NREP: variants seen among roughly 807,000 people sequenced by gnomAD.
The protein encoded by NREP is neuronal regeneration related protein.
Under a neutral mutation model 8.6 loss-of-function variants are expected in NREP, and 5 were observed. The observed-to-expected ratio is 0.58, with a 90% confidence interval of 0.30 to 1.22. The LOEUF (loss-of-function observed/expected upper bound fraction) is 1.22, where lower values mean the gene tolerates loss of function less well. NREP is among the 50% of genes most tolerant of loss of function. The pLI is 0.07. For missense variants in NREP, 86 were observed against 82.5 expected (o/e 1.04, Z -0.17); for synonymous variants, 27 against 28.0 (o/e 0.96, Z 0.11).
chr5:111,871,016 T>C (rs1489874788), intron 2 of NREP, among the ~76,000 whole-genome samples: 1 of 151,472 alleles, frequency 6.6e-6, no homozygotes, highest in East Asian at 1.9e-4. Context: ...CTGGCATCTG[T>C]ATTAGTAAGG....
chr5:111,734,683 CACTTATGAA>C, intron 3 of NREP: 1 of 697,522 alleles, frequency 1.4e-6, no homozygotes, highest in Non-Finnish European at 2.6e-6. Context: ...TAGTCAATTA[CACTTATGAA>C]ACTTTCAAAT....
chr5:111,847,105 T>C (rs1327698625), intron 2 of NREP, among the ~76,000 whole-genome samples: 5 of 150,108 alleles, frequency 3.3e-5, no homozygotes, highest in Non-Finnish European at 7.4e-5. Context: ...AATGAAGACA[T>C]GACACACTTT....
intron 2 of NREP, among the ~76,000 whole-genome samples, chr5:111,884,298 C>A (rs1754176241): frequency 6.6e-6 from 1 of 151,624 alleles, no homozygotes; most frequent in Non-Finnish European, 1.5e-5. Flanking sequence ...TCTGAATAGA[C>A]CAATAACAGG....
At chr5:111,895,292 G>T (rs753021916) in intron 2 of NREP, among the ~76,000 whole-genome samples, 31 of 152,262 alleles carry the variant, frequency 2.0e-4, no homozygotes, top group Non-Finnish European at 3.5e-4. Flanking sequence ...TGAGGAACGG[G>T]GAAGGGACAG....
intron 2 of NREP, among the ~76,000 whole-genome samples, chr5:111,886,870 C>G (rs1249475022): frequency 6.6e-6 from 1 of 151,636 alleles, no homozygotes; most frequent in African/African-American, 2.4e-5. Flanking sequence ...AGACCTAATG[C>G]TAAATGACGA....
At chr5:111,905,854 C>G (rs1428352853) in intron 2 of NREP, among the ~76,000 whole-genome samples, 6 of 151,902 alleles carry the variant, frequency 3.9e-5, no homozygotes, top group African/African-American at 4.8e-5. Context: ...CTGACCCATT[C>G]CTGTGTAAAT....
intron 2 of NREP, among the ~76,000 whole-genome samples, chr5:111,848,433 GT>G (rs1753231836): frequency 6.6e-6 from 1 of 151,922 alleles, no homozygotes; most frequent in Admixed American, 6.6e-5. Flanking sequence ...TACATGGAGA[GT>G]TTTTTTCTCT....
intron 2 of NREP, among the ~76,000 whole-genome samples, chr5:111,899,799 G>A (rs1159599791): frequency 6.6e-6 from 1 of 152,134 alleles, no homozygotes; most frequent in Non-Finnish European, 1.5e-5. Flanking sequence ...CAACACTAGA[G>A]CATGTAGATG....
chr5:111,757,870 C>A, upstream of NREP: 1 of 979,930 alleles, frequency 1.0e-6, no homozygotes, highest in Non-Finnish European at 1.2e-6. Flanking sequence ...GTGAAGGCGG[C>A]CAGGGTGCTG....
At chr5:111,865,454 C>G (rs993102926) in intron 2 of NREP, among the ~76,000 whole-genome samples, 5 of 152,110 alleles carry the variant, frequency 3.3e-5, no homozygotes, top group Non-Finnish European at 7.4e-5. Flanking sequence ...CAACATTAGA[C>G]TTAACTCTGG....
At chr5:111,834,985 G>T (rs1411166688) in intron 2 of NREP, among the ~76,000 whole-genome samples, 2 of 152,032 alleles carry the variant, frequency 1.3e-5, no homozygotes, top group East Asian at 3.9e-4. Context: ...TTTGAATTTG[G>T]GTTCACATTC....
chr5:111,838,557 C>A (rs1198405718), intron 2 of NREP, among the ~76,000 whole-genome samples: 1 of 152,072 alleles, frequency 6.6e-6, no homozygotes, highest in Non-Finnish European at 1.5e-5. Context: ...AAGATCAAAA[C>A]TGAGATTTTC....
chr5:111,784,180 T>C (rs1397781788), intron 2 of NREP, among the ~76,000 whole-genome samples: 1 of 152,156 alleles, frequency 6.6e-6, no homozygotes, highest in Admixed American at 6.5e-5. Context: ...CAAGAAAATA[T>C]AGCTAAGCAA....
chr5:111,914,207 T>C (rs934694855), intron 2 of NREP, among the ~76,000 whole-genome samples: 4 of 152,130 alleles, frequency 2.6e-5, no homozygotes, highest in Non-Finnish European at 4.4e-5. Context: ...AAGAGACTCC[T>C]CCCTGTCCAA....
At chr5:111,821,347 G>A (rs552992985) in intron 2 of NREP, among the ~76,000 whole-genome samples, 2 of 150,668 alleles carry the variant, frequency 1.3e-5, no homozygotes, top group South Asian at 2.1e-4. Context: ...TTTTAGCTCC[G>A]TTTTATCATT....
chr5:111,933,703 A>G (rs1755605190), intron 2 of NREP, among the ~76,000 whole-genome samples: 1 of 152,110 alleles, frequency 6.6e-6, no homozygotes, highest in Non-Finnish European at 1.5e-5. Flanking sequence ...TTCATCAGCA[A>G]GTCTGAGAAG....
intron 2 of NREP, among the ~76,000 whole-genome samples, chr5:111,878,955 A>G (rs1012935165): frequency 4.6e-5 from 7 of 152,212 alleles, no homozygotes; most frequent in African/African-American, 2.4e-5. Flanking sequence ...TATAGTTTGG[A>G]TGTTTTGTCC....
chr5:111,784,203 A>T (rs1174306255), intron 2 of NREP, among the ~76,000 whole-genome samples: 1 of 152,132 alleles, frequency 6.6e-6, no homozygotes, highest in Non-Finnish European at 1.5e-5. Flanking sequence ...GACTTACAGG[A>T]GGTATAAAGG....
At chr5:111,915,155 C>T (rs182347681) in intron 2 of NREP, among the ~76,000 whole-genome samples, 1 of 152,036 alleles carries the variant, frequency 6.6e-6, no homozygotes, top group South Asian at 2.1e-4. Flanking sequence ...GCTATGCACA[C>T]AGGGAACTGG....
Sources: allele counts gnomAD v4.1 joint callset (sites outside exome capture counted in the v4.1 genomes callset), GRCh38; gene constraint gnomAD v4.1.1; transcripts MANE v1.5; gene names NCBI Gene and HGNC (gene_info 2026-07-23, HGNC 2026-07-21).